Variants in STON2 observed in about 807,000 individuals in gnomAD.
STON2 encodes stonin 2.
Under a neutral mutation model 65.7 loss-of-function variants are expected in STON2, and 29 were observed. The observed-to-expected ratio is 0.44, with a 90% CI of 0.33 to 0.60. The LOEUF (loss-of-function observed/expected upper bound fraction) is 0.60. Ranked by LOEUF, STON2 falls within the 20% of genes least tolerant of loss-of-function variation. The pLI, the probability that STON2 is intolerant of heterozygous loss-of-function variation, is 0.03. For missense variants in STON2, 1,054 were observed against 1,118.1 expected, an observed-to-expected ratio of 0.94 and a Z score of 0.82; for synonymous variants, 404 against 414.2, an observed-to-expected ratio of 0.98 and a Z score of 0.30.
chr14:81,403,526 T>A (rs1394859524), upstream of STON2, among the ~76,000 whole-genome samples: 5 of 152,172 alleles, frequency 3.3e-5, no homozygotes, highest in African/African-American at 9.7e-5. Flanking sequence ...TACAAGGGCC[T>A]TGAATACATG....
At chr14:81,404,163 G>A (rs1051075870), upstream of STON2, among the ~76,000 whole-genome samples, 10 of 152,216 alleles carry the variant, frequency 6.6e-5, no homozygotes, top group African/African-American at 1.9e-4. Flanking sequence ...AAACAGCTTC[G>A]GAGAAAATCT....
upstream of STON2, among the ~76,000 whole-genome samples, chr14:81,404,280 T>G (rs1450689313): frequency 6.6e-6 from 1 of 152,224 alleles, no homozygotes; most frequent in Non-Finnish European, 1.5e-5. Flanking sequence ...ATGTGGTTAA[T>G]CTGAATGAGT....
rs59997170 is a variant in STON2 at position 81,299,898 on chromosome 14, T to TTTG, written c.743-21160_743-21159insCAA. ...ATGGAAAAAAAATTTTTTTTTTTTTTAAATTGATCTATAGAATCAATATGA... is the reference window on the plus strand; with the variant it reads ...ATGGAAAAAAAATTTTTTTTTTTTTTTTGAAATTGATCTATAGAATCAATATGA... On this transcript the variant is annotated intron_variant, in intron 5 of 7. Transcript: ENST00000614646. 3.1e-3 allele frequency among the ~76,000 whole-genome samples: 474 copies of TTTG among 151,428 alleles called. 2 individuals are homozygous for TTTG. The highest frequency in any genetic ancestry group is 0.011 in the African/African-American group (452 of 41,284).
chr14:81,285,824 C>A (rs1046699400), intron 5 of STON2, among the ~76,000 whole-genome samples: 1 of 152,086 alleles, frequency 6.6e-6, no homozygotes, highest in African/African-American at 2.4e-5. Context: ...GCCCATGTAA[C>A]AAACCTGCAC....
chr14:81,362,419 G>C (rs1898535229), intron 4 of STON2, among the ~76,000 whole-genome samples: 1 of 152,128 alleles, frequency 6.6e-6, no homozygotes, highest in Admixed American at 6.5e-5. Context: ...CCTTATATGT[G>C]GAATGTAGAA....
intron 2 of STON2, among the ~76,000 whole-genome samples, chr14:81,405,793 G>A (rs1900830371): frequency 6.6e-6 from 1 of 152,150 alleles, no homozygotes; most frequent in Non-Finnish European, 1.5e-5. Context: ...GCGTCAACTT[G>A]ATTGGACTGA....
At chr14:81,290,174 G>A (rs1895499200) in intron 5 of STON2, among the ~76,000 whole-genome samples, 1 of 152,176 alleles carries the variant, frequency 6.6e-6, no homozygotes. Context: ...TGAGAGTGGA[G>A]CTTGGTAGTC....
chr14:81,261,672 CATTG>C lies in STON2; in HGVS notation c.*6738_*6741del, dbSNP rs1372464910. 3 of 1,014,016 alleles carry C rather than the reference CATTG, an allele frequency of 3.0e-6. No individual in the cohort carries two copies. In the African/African-American group the frequency reaches 4.9e-5, roughly 17 times the overall value. 62.8% of individuals were successfully genotyped at this position (1,014,016 alleles called of 1,614,324 possible). ...CAAAATGACAAATATATATATACCT[CATTG>C]ATTATCCTATCATCCCCAGTACTTG... On this transcript the variant is annotated 3_prime_UTR_variant, in exon 8 of 8. Transcript: ENST00000614646.
intron 5 of STON2, among the ~76,000 whole-genome samples, chr14:81,304,192 T>A (rs1169641060): frequency 6.6e-6 from 1 of 152,182 alleles, no homozygotes; most frequent in African/African-American, 2.4e-5. Context: ...CAGGGTTTTG[T>A]ACATTTTTAG....
chr14:81,317,972 G>A (rs1896687188), intron 5 of STON2, among the ~76,000 whole-genome samples: 2 of 150,204 alleles, frequency 1.3e-5, no homozygotes, highest in South Asian at 4.2e-4. Context: ...TTTATTTTGG[G>A]GGTGTGTTTT....
chr14:81,349,059 C>A (rs1021766954), intron 4 of STON2, among the ~76,000 whole-genome samples: 3 of 152,086 alleles, frequency 2.0e-5, no homozygotes, highest in Admixed American at 2.0e-4. Flanking sequence ...TGAAACTAGA[C>A]CCCTATCTCT....
At chr14:81,294,994 G>T (rs755131707) in intron 5 of STON2, among the ~76,000 whole-genome samples, 5 of 152,204 alleles carry the variant, frequency 3.3e-5, no homozygotes, top group Non-Finnish European at 7.3e-5. Flanking sequence ...TGCTGTTTAA[G>T]TGGGTGCCGG....
chr14:81,278,253 T>C lies in STON2; in HGVS notation c.1229A>G (p.Lys410Arg), dbSNP rs766538313. The C allele has an allele frequency of 1.2e-6, 2 of 1,614,176 alleles. No homozygotes were observed. Among genetic ancestry groups the C allele is most frequent in the Admixed American group, 1.7e-5 (1 of 60,022 alleles). Residue 410 changes from lysine to arginine, a missense_variant, in exon 6 of 8, where the codon AAA (lysine) becomes AGA (arginine). Transcript: ENST00000614646. Reference sequence around the variant, plus strand: ...GACAATGAGGGAATCTCTTTGGCTTTTGCCCGTGGTACTGGAAATGGAACT... The same window carrying C: ...GACAATGAGGGAATCTCTTTGGCTTCTGCCCGTGGTACTGGAAATGGAACT... ...QNSSISSTTG[K>R]SQRDSLIVIY...
intron 5 of STON2, among the ~76,000 whole-genome samples, chr14:81,321,885 G>A (rs1356162905): frequency 6.6e-6 from 1 of 152,104 alleles, no homozygotes; most frequent in Non-Finnish European, 1.5e-5. Flanking sequence ...ATGGAAACTG[G>A]ACCATACAGG....
In STON2 at chr14:81,356,770, T is replaced by G. The variant is rs536426628; in HGVS notation, c.571+14218A>C. ...ATGTGTTGAGGAATTTATCCATTTC[T>G]TCTAGATTTTCTAGTTTATTTGCGT... On this transcript the variant is annotated intron_variant, in intron 4 of 7. Coordinates refer to ENST00000614646, the MANE Select transcript of STON2 (RefSeq NM_001394390.1). Among the ~76,000 whole-genome samples the G allele has an allele frequency of 1.0e-3, 155 of 152,188 alleles. 2 individuals are homozygous for G. The East Asian group carries it at 0.028, about 28-fold the overall frequency.
intron 2 of STON2, among the ~76,000 whole-genome samples, chr14:81,418,415 G>C (rs1279599674): frequency 3.3e-5 from 5 of 152,072 alleles, no homozygotes; most frequent in Non-Finnish European, 7.4e-5. Flanking sequence ...ATTTGGGTGG[G>C]GACACAGCCA....
In STON2 at chr14:81,371,194, A is replaced by G; in HGVS notation, c.374-9T>C. On this transcript the variant is annotated splice_polypyrimidine_tract_variant and intron_variant, in intron 3 of 7. Coordinates refer to ENST00000614646, the MANE Select transcript of STON2 (RefSeq NM_001394390.1). ...CATGGTCAATGGTAGGGCTGGGGAG[A>G]GACCAAAAACCAAAAGCATACAATA... The G allele has an allele frequency of 6.2e-7, 1 of 1,612,552 alleles. No homozygotes were observed. The highest frequency in any genetic ancestry group is 8.5e-7 in the Non-Finnish European group (1 of 1,179,474).
upstream of STON2, among the ~76,000 whole-genome samples, chr14:81,401,653 C>A (rs2140453518): frequency 6.6e-6 from 1 of 152,310 alleles, no homozygotes; most frequent in Non-Finnish European, 1.5e-5. Flanking sequence ...AGAATCACCA[C>A]AAATGAGTGG....
chr14:81,282,511 T>A (rs140688561), intron 5 of STON2, among the ~76,000 whole-genome samples: 2 of 152,010 alleles, frequency 1.3e-5, no homozygotes, highest in African/African-American at 4.8e-5. Flanking sequence ...GTACTACTGC[T>A]ACTACTACTA....
Sources: allele counts gnomAD v4.1 joint callset (sites outside exome capture counted in the v4.1 genomes callset), GRCh38; gene constraint gnomAD v4.1.1; transcripts MANE v1.5; gene names NCBI Gene and HGNC (gene_info 2026-07-23, HGNC 2026-07-21).